Variants in MTHFD1L observed in about 807,000 individuals in gnomAD.
MTHFD1L encodes the protein monofunctional C1-tetrahydrofolate synthase, mitochondrial.
MTHFD1L carries 81 observed loss-of-function variants against 119.5 expected under a neutral mutation model. The ratio of observed to expected loss-of-function variants is 0.68; its 90% confidence interval spans 0.57 to 0.82. MTHFD1L has a LOEUF of 0.82. MTHFD1L is among the 40% of genes least tolerant of loss of function. The probability of loss-of-function intolerance (pLI) is 0.00; values close to 1 mark genes in which losing one functional copy is unlikely to be tolerated. For missense variants in MTHFD1L, 1,125 were observed against 1,253.4 expected (o/e 0.90, Z 1.55); for synonymous variants, 430 against 475.2 (o/e 0.90, Z 1.24).
intron 26 of MTHFD1L, among the ~76,000 whole-genome samples, chr6:151,050,032 G>A (rs1467651350): frequency 6.6e-6 from 1 of 152,202 alleles, no homozygotes; most frequent in East Asian, 1.9e-4. Flanking sequence ...GGTTCAAGGG[G>A]ATTCCAGATA....
chr6:150,971,831 G>T (rs1197785323), intron 19 of MTHFD1L, 116 bp from the exon 20 acceptor site: 1 of 759,336 alleles, frequency 1.3e-6, no homozygotes, highest in Non-Finnish European at 2.2e-6. Flanking sequence ...AATATTTTAT[G>T]CATTAAATAT....
intron 9 of MTHFD1L, among the ~76,000 whole-genome samples, chr6:150,919,032 G>A (rs1788454356): frequency 6.6e-6 from 1 of 151,794 alleles, no homozygotes; most frequent in African/African-American, 2.4e-5. Flanking sequence ...TTCTTGCATT[G>A]CTATAAAGAA....
At chr6:151,070,849 G>A (rs908147561) in intron 26 of MTHFD1L, among the ~76,000 whole-genome samples, 1 of 152,126 alleles carries the variant, frequency 6.6e-6, no homozygotes, top group Non-Finnish European at 1.5e-5. Context: ...TCCTCATTGG[G>A]AACTATTTTC....
At chr6:150,885,607 A>G (rs1200589636) in intron 5 of MTHFD1L, 27 bp from the exon 6 acceptor site, 25 of 1,588,510 alleles carry the variant, frequency 1.6e-5, no homozygotes, top group Non-Finnish European at 2.2e-5. Flanking sequence ...GCTTTGACTT[A>G]ACCTACTTCT....
At chr6:151,024,027 G>A (rs991060963) in intron 24 of MTHFD1L, among the ~76,000 whole-genome samples, 1 of 151,910 alleles carries the variant, frequency 6.6e-6, no homozygotes, top group African/African-American at 2.4e-5. Flanking sequence ...AGAAAACTAC[G>A]ATCTTAGGGT....
At chr6:150,979,348 G>T (rs1369869434) in intron 20 of MTHFD1L, among the ~76,000 whole-genome samples, 1 of 152,162 alleles carries the variant, frequency 6.6e-6, no homozygotes, top group African/African-American at 2.4e-5. Flanking sequence ...CGCCAACAGT[G>T]GTGGTCCTTT....
At chr6:151,044,012 C>T (rs1362746489) in intron 26 of MTHFD1L, among the ~76,000 whole-genome samples, 1 of 152,188 alleles carries the variant, frequency 6.6e-6, no homozygotes, top group Non-Finnish European at 1.5e-5. Flanking sequence ...ATATCATCTA[C>T]AAGGAATGAA....
At chr6:150,889,156 G>A (rs1185713568) in intron 7 of MTHFD1L, among the ~76,000 whole-genome samples, 5 of 147,522 alleles carry the variant, frequency 3.4e-5, no homozygotes, top group East Asian at 2.0e-4. Flanking sequence ...CAGCCTGCGC[G>A]ACAGAGTGAG....
chr6:150,994,064 TAA>T (rs746589557), intron 20 of MTHFD1L, among the ~76,000 whole-genome samples: 24 of 74,232 alleles, frequency 3.2e-4, no homozygotes, highest in Admixed American at 9.8e-4. Context: ...ACAACAACAG[TAA>T]AAAAAAAAAA....
At chr6:150,907,943 C>G (rs933211417) in intron 8 of MTHFD1L, among the ~76,000 whole-genome samples, 3 of 148,852 alleles carry the variant, frequency 2.0e-5, no homozygotes, top group African/African-American at 7.5e-5. Context: ...GTCACCCTGG[C>G]TTTAGTGCAG....
chr6:150,883,555 G>A (rs1275695764), intron 5 of MTHFD1L, among the ~76,000 whole-genome samples: 1 of 152,148 alleles, frequency 6.6e-6, no homozygotes, highest in African/African-American at 2.4e-5. Context: ...TTCCCCAGCA[G>A]TACCATATTC....
intron 25 of MTHFD1L, among the ~76,000 whole-genome samples, chr6:151,035,823 TG>T (rs1786081684): frequency 6.6e-6 from 1 of 152,218 alleles, no homozygotes; most frequent in African/African-American, 2.4e-5. Flanking sequence ...CTTTTTAATA[TG>T]CCTACTGACA....
intron 7 of MTHFD1L, among the ~76,000 whole-genome samples, chr6:150,905,036 CTTTTTTTT>C (rs36039459): frequency 9.0e-6 from 1 of 111,692 alleles, no homozygotes; most frequent in Non-Finnish European, 1.7e-5. Flanking sequence ...TTGTTTTCCT[CTTTTTTTT>C]TTTTTTTTTT....
chr6:151,023,903 T>C (rs542081496), intron 24 of MTHFD1L, among the ~76,000 whole-genome samples: 41 of 152,264 alleles, frequency 2.7e-4, no homozygotes, highest in Admixed American at 2.2e-3. Context: ...CATGAGACCA[T>C]TGCAGTGGAG....
intron 20 of MTHFD1L, among the ~76,000 whole-genome samples, chr6:150,998,995 A>AAAAAAAAAATGTAT (rs986639098): frequency 1.4e-5 from 2 of 143,664 alleles, no homozygotes; most frequent in African/African-American, 5.1e-5. Context: ...GTCTTAAAAA[A>AAAAAAAAAATGTAT]ATATATATAC....
At chr6:151,016,743 A>G (rs1324017331) in intron 24 of MTHFD1L, 5 of 350,678 alleles carry the variant, frequency 1.4e-5, no homozygotes, top group Non-Finnish European at 1.1e-5. Context: ...GTAAATATAT[A>G]TATAACAAAA....
chr6:150,978,738 G>A (rs1319216557), intron 20 of MTHFD1L, among the ~76,000 whole-genome samples: 1 of 152,158 alleles, frequency 6.6e-6, no homozygotes, highest in Non-Finnish European at 1.5e-5. Context: ...AAAACCGTCT[G>A]TGGGATCAGT....
At chr6:150,916,788 G>C (rs1788043299) in intron 8 of MTHFD1L, among the ~76,000 whole-genome samples, 1 of 54,234 alleles carries the variant, frequency 1.8e-5, no homozygotes, top group African/African-American at 6.4e-5. Context: ...TTGAGGTGGA[G>C]TTTTGCTCTT....
chr6:151,006,035 A>T lies in MTHFD1L; in HGVS notation c.2126-3784A>T, dbSNP rs531343651. Among the ~76,000 whole-genome samples, 7 of 152,138 alleles carry T rather than the reference A, an allele frequency of 4.6e-5. No homozygotes were observed. In the South Asian group the frequency reaches 1.5e-3, roughly 32 times the overall value. ...CTCCCAAGTCCCATCCTGTTTTTTCATTGACCTGCTTGTGCCAGGTACTGC... is the reference window on the plus strand; with the variant it reads ...CTCCCAAGTCCCATCCTGTTTTTTCTTTGACCTGCTTGTGCCAGGTACTGC... On this transcript the variant is annotated intron_variant, in intron 20 of 27. Transcript: ENST00000367321.
Sources: gnomAD v4.1 joint callset for allele counts (sites outside exome capture counted in the v4.1 genomes callset) on GRCh38, gnomAD v4.1.1 for gene constraint, MANE v1.5 for transcripts, NCBI Gene and HGNC (gene_info 2026-07-23, HGNC 2026-07-21) for gene names.